COA1: variants seen among roughly 807,000 people sequenced by gnomAD.
COA1 encodes the protein cytochrome c oxidase assembly factor 1.
A neutral mutation model predicts 16.0 loss-of-function variants in COA1; 13 were observed. That is an observed-to-expected ratio of 0.81 (90% CI 0.53 to 1.29). COA1 has a LOEUF of 1.29. Ranked by LOEUF, COA1 falls within the 50% of genes most tolerant of loss-of-function variation. COA1 has a pLI of 0.00. For missense variants in COA1, 179 were observed against 177.0 expected (o/e 1.01, Z -0.06); for synonymous variants, 65 against 65.7 (o/e 0.99, Z 0.05).
At chr7:43,619,257 G>A (rs540363643) in intron 6 of COA1, among the ~76,000 whole-genome samples, 1 of 152,308 alleles carries the variant, frequency 6.6e-6, no homozygotes, top group South Asian at 2.1e-4. Flanking sequence ...GCTTGACCAT[G>A]CTTTCAAGAA....
At chr7:43,722,544 A>G (rs2095530003) in intron 1 of COA1, among the ~76,000 whole-genome samples, 1 of 152,230 alleles carries the variant, frequency 6.6e-6, no homozygotes, top group East Asian at 1.9e-4. Context: ...CTAGGACTAC[A>G]GGCACATGCC....
intron 1 of COA1, among the ~76,000 whole-genome samples, chr7:43,686,340 TC>T (rs2094026001): frequency 6.7e-6 from 1 of 150,178 alleles, no homozygotes; most frequent in Admixed American, 6.6e-5. Flanking sequence ...GGAGTCTCGT[TC>T]TGTCGCCCAG....
chr7:43,678,585 T>C (rs190929096), intron 1 of COA1, among the ~76,000 whole-genome samples: 24 of 152,232 alleles, frequency 1.6e-4, no homozygotes, highest in Admixed American at 3.9e-4. Flanking sequence ...GACTACTATA[T>C]AGAATATATA....
rs184428153 is a variant in COA1 at position 43,634,163 on chromosome 7, T to C, written c.*133+5286A>G. Among the ~76,000 whole-genome samples the C allele has an allele frequency of 3.3e-5, 5 of 152,308 alleles. No homozygotes were observed. In the East Asian group the frequency reaches 9.6e-4, roughly 29 times the overall value. ...TGCTTCAAAATCCTTGTCAGATAATTCTAAAATCTGTGTTATCTTGGTGTT... is the reference window on the plus strand; with the variant it reads ...TGCTTCAAAATCCTTGTCAGATAATCCTAAAATCTGTGTTATCTTGGTGTT... On this transcript the variant is annotated intron_variant and NMD_transcript_variant, in intron 6 of 6. Transcript: ENST00000415076.
chr7:43,623,526 A>AT (rs1386813249), intron 6 of COA1: 3 of 1,557,806 alleles, frequency 1.9e-6, no homozygotes, highest in Non-Finnish European at 1.8e-6. Flanking sequence ...CAAATTAGGA[A>AT]TTTTTTTCCA....
At chr7:43,642,584 A>T (rs1335193218) in intron 4 of COA1, among the ~76,000 whole-genome samples, 1 of 152,222 alleles carries the variant, frequency 6.6e-6, no homozygotes, top group Non-Finnish European at 1.5e-5. Context: ...AAAAAAATTT[A>T]AAAAGGAAGG....
chr7:43,725,997 CACAA>C (rs58219371), intron 1 of COA1, among the ~76,000 whole-genome samples: 17,938 of 151,762 alleles, frequency 0.12, 1,119 homozygotes, highest in Admixed American at 0.19. Context: ...CAATACAGAA[CACAA>C]TAGCTACACT....
chr7:43,661,462 C>T (rs2092419509), intron 1 of COA1, among the ~76,000 whole-genome samples: 1 of 152,132 alleles, frequency 6.6e-6, no homozygotes, highest in Non-Finnish European at 1.5e-5. Context: ...AGTGAAACCC[C>T]GTCTCTACTA....
intron 1 of COA1, among the ~76,000 whole-genome samples, chr7:43,696,182 A>G (rs1404364894): frequency 6.6e-6 from 1 of 152,224 alleles, no homozygotes; most frequent in African/African-American, 2.4e-5. Flanking sequence ...TTCATAAATA[A>G]CAATCGCCAG....
chr7:43,612,703 A>G (rs1219273488), intron 6 of COA1, among the ~76,000 whole-genome samples: 1 of 152,152 alleles, frequency 6.6e-6, no homozygotes, highest in Non-Finnish European at 1.5e-5. Flanking sequence ...GCTATGGGAA[A>G]TACACTGCTT....
intron 1 of COA1, among the ~76,000 whole-genome samples, chr7:43,651,452 C>A (rs1011027041): frequency 1.3e-5 from 2 of 152,128 alleles, no homozygotes; most frequent in Non-Finnish European, 2.9e-5. Context: ...GTACTAAACC[C>A]TTTCTAGAGT....
intron 1 of COA1, among the ~76,000 whole-genome samples, chr7:43,720,724 G>A (rs1259620831): frequency 2.0e-5 from 3 of 152,200 alleles, no homozygotes; most frequent in Non-Finnish European, 2.9e-5. Context: ...TTACTCAGGA[G>A]CCTCTGGATG....
At chr7:43,673,591 C>T (rs1449192557) in intron 1 of COA1, among the ~76,000 whole-genome samples, 1 of 152,200 alleles carries the variant, frequency 6.6e-6, no homozygotes, top group Non-Finnish European at 1.5e-5. Flanking sequence ...TTGGCAATTT[C>T]TCAAAGAACG....
At chr7:43,684,443 C>T (rs895632103) in intron 1 of COA1, among the ~76,000 whole-genome samples, 1 of 152,116 alleles carries the variant, frequency 6.6e-6, no homozygotes, top group African/African-American at 2.4e-5. Flanking sequence ...TCATACATGG[C>T]AGCACAGAGA....
chr7:43,640,471 T>C lies in COA1; in HGVS notation c.341+102A>G, dbSNP rs1244383192. ...TTCAAGCTTGAAAAATAATTCTTCC[T>C]ATGCCCACAGTAATTTAACAACAAA... On this transcript the variant is annotated intron_variant, in intron 5 of 5. Coordinates refer to ENST00000223336, the MANE Select transcript of COA1 (RefSeq NM_018224.4). 4.6e-6 allele frequency: 4 copies of C among 867,364 alleles called. No homozygotes were observed. The South Asian group carries it at 6.2e-5, about 13-fold the overall frequency. The allele number at this position is 867,364 out of a possible 1,614,324, so 53.7% of individuals were successfully genotyped here. A position where few individuals can be genotyped will look rare whatever the true frequency, so the allele number is the denominator to read the frequency against.
downstream of COA1, among the ~76,000 whole-genome samples, chr7:43,635,774 T>C (rs1017128227): frequency 6.6e-6 from 1 of 152,360 alleles, no homozygotes; most frequent in East Asian, 1.9e-4. Flanking sequence ...GACAGGTCTA[T>C]AGTTTCTCGT....
chr7:43,613,662 G>C (rs967690241), intron 6 of COA1, among the ~76,000 whole-genome samples: 3 of 152,010 alleles, frequency 2.0e-5, no homozygotes, highest in Admixed American at 2.0e-4. Flanking sequence ...AGGCAACATA[G>C]TGAGACCTCA....
intron 1 of COA1, among the ~76,000 whole-genome samples, chr7:43,692,870 C>G (rs957581727): frequency 4.6e-5 from 7 of 152,036 alleles, no homozygotes; most frequent in African/African-American, 1.7e-4. Flanking sequence ...TTCCCAACTA[C>G]TCAACCTCTT....
At chr7:43,692,827 T>C (rs1031228581) in intron 1 of COA1, among the ~76,000 whole-genome samples, 26 of 150,292 alleles carry the variant, frequency 1.7e-4, no homozygotes, top group African/African-American at 6.1e-4. Context: ...CCCAAACCCC[T>C]TTCCCTATAT....
Sources: allele counts gnomAD v4.1 joint callset (sites outside exome capture counted in the v4.1 genomes callset), GRCh38; gene constraint gnomAD v4.1.1; transcripts MANE v1.5; gene names NCBI Gene and HGNC (gene_info 2026-07-23, HGNC 2026-07-21).